Variants in NPTN observed in about 807,000 individuals in gnomAD.
NPTN encodes the protein neuroplastin.
NPTN carries 5 observed loss-of-function variants against 42.7 expected under a neutral mutation model. The ratio of observed to expected loss-of-function variants is 0.12; its 90% confidence interval spans 0.06 to 0.25. The LOEUF is 0.25. Ranked by LOEUF, NPTN falls within the 10% of genes least tolerant of loss-of-function variation. The pLI is 1.00. For synonymous variants in NPTN, 180 were observed against 201.9 expected, an observed-to-expected ratio of 0.89 and a Z score of 0.92; for missense variants, 307 against 525.4, an observed-to-expected ratio of 0.58 and a Z score of 4.06.
At chr15:73,633,103 C>T in intron 1 of NPTN, 22 bp downstream of exon 1, 1 of 1,432,410 alleles carries the variant, frequency 7.0e-7, no homozygotes, top group South Asian at 1.5e-5. Context: ...CCCGCCCGGC[C>T]CGCCCCCGGC....
chr15:73,593,794 G>A (rs746020051), intron 2 of NPTN, among the ~76,000 whole-genome samples: 3 of 152,124 alleles, frequency 2.0e-5, no homozygotes, highest in Non-Finnish European at 2.9e-5. Context: ...ATTCAGCACT[G>A]GTCCTTATCA....
intron 4 of NPTN, among the ~76,000 whole-genome samples, chr15:73,579,910 C>T (rs919637735): frequency 6.6e-6 from 1 of 152,156 alleles, no homozygotes; most frequent in Non-Finnish European, 1.5e-5. Context: ...CAGAACACCC[C>T]ACTAAGCTGC....
At chr15:73,612,387 C>G (rs1486182746) in intron 1 of NPTN, among the ~76,000 whole-genome samples, 3 of 148,068 alleles carry the variant, frequency 2.0e-5, no homozygotes, top group Admixed American at 6.8e-5. Flanking sequence ...CCACTGCACT[C>G]TAACCTAGGC....
At chr15:73,578,456 T>C (rs78091159) in intron 4 of NPTN, among the ~76,000 whole-genome samples, 4,715 of 152,200 alleles carry the variant, frequency 0.031, 251 homozygotes, top group African/African-American at 0.1. Context: ...TATTTGCTAA[T>C]AGATTGAATG....
intron 1 of NPTN, among the ~76,000 whole-genome samples, chr15:73,624,423 T>C (rs1041265782): frequency 3.3e-5 from 5 of 152,352 alleles, no homozygotes; most frequent in South Asian, 2.1e-4. Flanking sequence ...GAGCTCCTTG[T>C]GCTATTTTTT....
At chr15:73,622,523 C>T (rs1398989813) in intron 1 of NPTN, among the ~76,000 whole-genome samples, 4 of 146,482 alleles carry the variant, frequency 2.7e-5, no homozygotes, top group African/African-American at 7.5e-5. Flanking sequence ...AAAAGCCTGA[C>T]GCCCTCAGCC....
intron 1 of NPTN, among the ~76,000 whole-genome samples, chr15:73,610,884 G>C (rs1897544844): frequency 2.0e-5 from 3 of 152,056 alleles, no homozygotes; most frequent in African/African-American, 7.3e-5. Flanking sequence ...CATGAAATGG[G>C]AACATTTTCC....
At chr15:73,622,433 T>C (rs1898180227) in intron 1 of NPTN, among the ~76,000 whole-genome samples, 2 of 150,632 alleles carry the variant, frequency 1.3e-5, no homozygotes, top group Non-Finnish European at 2.9e-5. Flanking sequence ...ATCCTTATCA[T>C]ATACCCTTTA....
chr15:73,576,851 T>A (rs1895727750), intron 4 of NPTN, among the ~76,000 whole-genome samples: 1 of 152,212 alleles, frequency 6.6e-6, no homozygotes, highest in Admixed American at 6.5e-5. Context: ...ATGCAAATAA[T>A]CAGGCCAAGT....
intron 4 of NPTN, among the ~76,000 whole-genome samples, chr15:73,585,145 T>C (rs1194315436): frequency 6.6e-6 from 1 of 152,148 alleles, no homozygotes; most frequent in Non-Finnish European, 1.5e-5. Flanking sequence ...TGAAGAAATA[T>C]ATATGCATGG....
chr15:73,592,191 C>T (rs1295120456), intron 2 of NPTN, 54 bp from the exon 3 acceptor site: 9 of 1,519,626 alleles, frequency 5.9e-6, no homozygotes, highest in Admixed American at 1.8e-5. Context: ...CCTCTGTAGC[C>T]CTGGCCTGAG....
intron 1 of NPTN, among the ~76,000 whole-genome samples, chr15:73,620,389 T>G (rs189419527): frequency 1.3e-5 from 2 of 152,284 alleles, no homozygotes; most frequent in East Asian, 3.9e-4. Context: ...AGGAACAAAA[T>G]GAAGATATTC....
At chr15:73,608,793 G>A (rs1897410460) in intron 1 of NPTN, among the ~76,000 whole-genome samples, 1 of 152,188 alleles carries the variant, frequency 6.6e-6, no homozygotes, top group Non-Finnish European at 1.5e-5. Flanking sequence ...TGGTGAGAAG[G>A]TAACAGACAT....
chr15:73,590,841 TA>T (rs755530260), intron 3 of NPTN, among the ~76,000 whole-genome samples: 3 of 152,000 alleles, frequency 2.0e-5, no homozygotes, highest in Admixed American at 6.6e-5. Flanking sequence ...TCATTCCACC[TA>T]ACAACTTTAT....
At position 73,570,108 on chromosome 15, in the gene NPTN, A is replaced by G; in HGVS notation, c.1114+42T>C. On this transcript the variant is annotated intron_variant, in intron 6 of 8. Coordinates refer to ENST00000345330, the MANE Select transcript of NPTN (RefSeq NM_012428.4). The surrounding 1 kb of genome is among the most constrained non-coding windows in gnomAD (Gnocchi z 4.0). ...GGGTACTTGGAAACCACCCGAAGGAACCAACCCCAGCAGTACAGCTATTTT... is the reference window on the plus strand; with the variant it reads ...GGGTACTTGGAAACCACCCGAAGGAGCCAACCCCAGCAGTACAGCTATTTT... The G allele has an allele frequency of 4.5e-6, 7 of 1,544,902 alleles. No individual in the cohort carries two copies. The highest frequency in any genetic ancestry group is 6.1e-6 in the Non-Finnish European group (7 of 1,144,470).
intron 1 of NPTN, among the ~76,000 whole-genome samples, chr15:73,628,058 G>A (rs1430947071): frequency 6.6e-6 from 1 of 151,546 alleles, no homozygotes. Flanking sequence ...CATTATCTAA[G>A]GTGCTTAAAA....
intron 1 of NPTN, among the ~76,000 whole-genome samples, chr15:73,601,874 C>T (rs1375353225): frequency 3.9e-5 from 6 of 152,144 alleles, no homozygotes; most frequent in Non-Finnish European, 7.4e-5. Flanking sequence ...GCAGGCAGAG[C>T]ATTAAAAATG....
At chr15:73,586,821 C>A (rs904611437) in intron 4 of NPTN, among the ~76,000 whole-genome samples, 1 of 152,162 alleles carries the variant, frequency 6.6e-6, no homozygotes, top group Non-Finnish European at 1.5e-5. Context: ...GGGTCAAGAC[C>A]TGTGTTCTAG....
intron 1 of NPTN, among the ~76,000 whole-genome samples, chr15:73,612,175 C>T (rs1032194916): frequency 6.6e-5 from 10 of 151,990 alleles, no homozygotes; most frequent in African/African-American, 1.7e-4. Flanking sequence ...AATCCCAACA[C>T]GGGAAGGCCA....
Sources: gnomAD v4.1 joint callset for allele counts (sites outside exome capture counted in the v4.1 genomes callset) on GRCh38, gnomAD v4.1.1 for gene constraint, Gnocchi (gnomAD v3.1) non-coding constraint, MANE v1.5 for transcripts, NCBI Gene and HGNC (gene_info 2026-07-23, HGNC 2026-07-21) for gene names.